SHMT2: variants seen among roughly 807,000 people sequenced by gnomAD.
The protein encoded by SHMT2 is serine hydroxymethyltransferase 2.
A neutral mutation model predicts 59.6 loss-of-function variants in SHMT2; 38 were observed. The observed-to-expected ratio is 0.64, with a 90% confidence interval of 0.49 to 0.84. The LOEUF (loss-of-function observed/expected upper bound fraction) is 0.84. Among genes scored for constraint, SHMT2 ranks in the 40% least tolerant of loss-of-function variants. The pLI is 0.00. For missense variants in SHMT2, 533 were observed against 659.5 expected (o/e 0.81, Z 2.10); for synonymous variants, 254 against 258.1 (o/e 0.98, Z 0.15).
intron 7 of SHMT2, 135 bp from the exon 8 acceptor site, chr12:57,233,045 C>A: frequency 1.6e-6 from 2 of 1,254,090 alleles, no homozygotes; most frequent in Non-Finnish European, 2.2e-6. Flanking sequence ...GGCTGATTCC[C>A]TCTACCACTG....
At chr12:57,233,374 G>A (rs979030931) in intron 8 of SHMT2, 29 bp downstream of exon 8, 1 of 1,566,214 alleles carries the variant, frequency 6.4e-7, no homozygotes, top group East Asian at 2.3e-5. Flanking sequence ...GTAGGGTGTG[G>A]GGGGGCAATG....
chr12:57,230,225 G>A, intron 1 of SHMT2: 1 of 1,252,398 alleles, frequency 8.0e-7, no homozygotes, highest in Non-Finnish European at 1.0e-6. Flanking sequence ...GGCAGTGAGG[G>A]CTGGAAGGAG....
rs2229718 is a variant in SHMT2, at chr12:57,234,079, C to T, written c.1356C>T (p.Val452=). 39 of 1,614,008 alleles carry T rather than the reference C, an allele frequency of 2.4e-5. No individual in the cohort carries two copies. The highest frequency in any genetic ancestry group is 6.7e-5 in the African/African-American group (5 of 74,900). ...RRVVDFIDEG[V]NIGLEVKSKT... The stretch of plus-strand genomic sequence containing the variant: ...TTGTGGACTTTATAGATGAAGGGGT[C>T]AACATTGGCTTAGAGGTGAAGAGCA... Residue 452 remains valine (V), a synonymous_variant, in exon 11 of 12, where the codon GTC becomes GTT. Coordinates refer to ENST00000328923, the MANE Select transcript of SHMT2 (RefSeq NM_005412.6).
chr12:57,230,534 G>C (rs1261761685), intron 1 of SHMT2: 6 of 1,338,576 alleles, frequency 4.5e-6, no homozygotes, highest in Non-Finnish European at 5.8e-6. Context: ...TGGAGGACAA[G>C]CTTTGCAGAG....
At position 57,232,567 on chromosome 12, in the gene SHMT2, A is replaced by T; in HGVS notation, c.709A>T (p.Met237Leu). 6.2e-7 allele frequency: 1 copy of T among 1,614,040 alleles called. No homozygotes were observed. The highest frequency in any genetic ancestry group is 1.7e-5 in the Admixed American group (1 of 60,020). ...TGCTCGCCTCATTGACTACGCCCGC[A>T]TGAGAGAGGTTGGTGGGGGGGGCTG... Reference protein sequence around the residue: ...AYARLIDYARMREVCDEVKAH... With the variant: ...AYARLIDYARLREVCDEVKAH... The change falls in exon 6 of 12, where the codon ATG becomes TTG. Residue 237 changes from methionine to leucine, a missense_variant. Physicochemically the swap from Met to Leu is conservative, Grantham distance 15. Coordinates refer to ENST00000328923, the MANE Select transcript of SHMT2 (RefSeq NM_005412.6).
rs1215519826 is a variant in SHMT2, at chr12:57,230,785, G to A, written c.34-18G>A. On this transcript the variant is annotated intron_variant, in intron 1 of 11. Transcript: ENST00000328923. ...GTCTGGACTGTTGTGATTTCACCCT[G>A]ACTTTTCCTGCCTTCAGCCTCTGCA... The A allele has an allele frequency of 6.2e-7, 1 of 1,613,094 alleles. No individual in the cohort carries two copies. The highest frequency in any genetic ancestry group is 1.7e-5 in the Admixed American group (1 of 59,974).
chr12:57,230,102 C>T lies in SHMT2; in HGVS notation c.33+291C>T, dbSNP rs1214658771. The T allele has an allele frequency of 3.7e-6, 5 of 1,353,480 alleles. No homozygotes were observed. In the East Asian group the frequency reaches 1.2e-4, roughly 33 times the overall value. The allele number at this position is 1,353,480 out of a possible 1,614,324, so 83.8% of individuals were successfully genotyped here. A position where few individuals can be genotyped will look rare whatever the true frequency, so the allele number is the denominator to read the frequency against. The stretch of plus-strand genomic sequence containing the variant: ...GGATGCCCCGCGGACCCGGTGCTGG[C>T]AAATGAGCGGAGTTTTCGGCCTGGT... On this transcript the variant is annotated intron_variant, in intron 1 of 11. Transcript: ENST00000328923.
chr12:57,231,675 C>G (rs747569156), intron 3 of SHMT2, 38 bp from the exon 4 acceptor site: 1 of 1,612,684 alleles, frequency 6.2e-7, no homozygotes, highest in Admixed American at 1.7e-5. Flanking sequence ...GGTTGAGAGT[C>G]CTTTCTCTGT....
intron 1 of SHMT2, chr12:57,230,207 G>T: frequency 7.8e-7 from 1 of 1,274,712 alleles, no homozygotes; most frequent in Non-Finnish European, 1.0e-6. Flanking sequence ...TCAGGCAGGG[G>T]TCCCGGCGGC....
chr12:57,229,728 C>T lies in SHMT2; in HGVS notation c.-51C>T, dbSNP rs773183140. ...CGAACGGTCTTCTTCCGACAGCTTGCTGCCCTAGACCAGAGTTGGTGGCTG... is the reference window on the plus strand; with the variant it reads ...CGAACGGTCTTCTTCCGACAGCTTGTTGCCCTAGACCAGAGTTGGTGGCTG... On this transcript the variant is annotated 5_prime_UTR_variant, in exon 1 of 12. Transcript: ENST00000328923. 6.2e-7 allele frequency: 1 copy of T among 1,612,034 alleles called. No individual in the cohort carries two copies. The highest frequency in any genetic ancestry group is 8.5e-7 in the Non-Finnish European group (1 of 1,178,052).
chr12:57,232,102 G>C, intron 4 of SHMT2, 109 bp from the exon 5 acceptor site: 1 of 1,168,798 alleles, frequency 8.6e-7, no homozygotes, highest in Middle Eastern at 1.9e-4. Flanking sequence ...CAGTGAGGCG[G>C]TGTGTCCTAG....
rs2037407080 is a variant in SHMT2 at position 57,233,350 on chromosome 12, G to T, written c.1023+5G>T. 6.3e-7 allele frequency: 1 copy of T among 1,590,320 alleles called. No homozygotes were observed. Among genetic ancestry groups the T allele is most frequent in the East Asian group, 2.2e-5 (1 of 44,516 alleles). The stretch of plus-strand genomic sequence containing the variant: ...GTAGCTGTGGCCCTAAAGCAGGTTG[G>T]GGATCCTGTCTTTGTAGGGTGTGGG... On this transcript the variant is annotated splice_donor_5th_base_variant and intron_variant, in intron 8 of 11. Transcript: ENST00000328923.
At chr12:57,232,318 G>A in intron 5 of SHMT2, 26 bp downstream of exon 5, 1 of 1,613,042 alleles carries the variant, frequency 6.2e-7, no homozygotes, top group Non-Finnish European at 8.5e-7. Context: ...TGTGGGGAGG[G>A]GCTCTTGGCC....
Position 57,233,879 on chromosome 12 carries a change from C to T in SHMT2, c.1254C>T (p.Ala418=). 1 of 1,614,178 alleles carries T rather than the reference C, an allele frequency of 6.2e-7. No individual in the cohort carries two copies. Among genetic ancestry groups the T allele is most frequent in the Non-Finnish European group, 8.5e-7 (1 of 1,180,026 alleles). Residue 418 remains alanine, a synonymous_variant, in exon 10 of 12, where the codon GCC becomes GCT. Transcript: ENST00000328923. ...NKNTCPGDRS[A]ITPGGLRLGA... ...ACACCTGTCCTGGAGACCGAAGTGC[C>T]ATCACACCGGGCGGCCTGCGGCTTG...
chr12:57,231,998 A>G (rs1036842572), intron 4 of SHMT2, 85 bp downstream of exon 4: 2 of 1,423,692 alleles, frequency 1.4e-6, no homozygotes, highest in Non-Finnish European at 1.9e-6. Context: ...ACTGTGGACC[A>G]TACAGATGGA....
intron 3 of SHMT2, 43 bp downstream of exon 3, chr12:57,231,603 G>A: frequency 6.2e-7 from 1 of 1,612,822 alleles, no homozygotes; most frequent in Non-Finnish European, 8.5e-7. Flanking sequence ...CTCCCAGTGG[G>A]GGAACCCACC....
At chr12:57,233,061 C>T in intron 7 of SHMT2, 119 bp from the exon 8 acceptor site, 2 of 1,307,984 alleles carry the variant, frequency 1.5e-6, no homozygotes. Flanking sequence ...CACTGGAATC[C>T]AGTGTACCAA....
Position 57,229,763 on chromosome 12 carries a change from C to T in SHMT2, c.-16C>T. On this transcript the variant is annotated 5_prime_UTR_variant, in exon 1 of 12. Transcript: ENST00000328923. ...CCAGAGTTGGTGGCTGGACCTCCTG[C>T]GACTTCCGAGTTGCGATGCTGTACT... 6.2e-7 allele frequency: 1 copy of T among 1,614,134 alleles called. No homozygotes were observed. Among genetic ancestry groups the T allele is most frequent in the Admixed American group, 1.7e-5 (1 of 60,022 alleles).
Position 57,233,324 on chromosome 12 carries a change from A to G in SHMT2, c.1002A>G (p.Ala334=). ...GCCCCCACAATCATGCCATTGCTGC[A>G]GTAGCTGTGGCCCTAAAGCAGGTTG... The part of the protein sequence containing the change: ...QGGPHNHAIA[A]VAVALKQACT... Residue 334 remains alanine (A), a synonymous_variant, in exon 8 of 12, where the codon GCA becomes GCG. Transcript: ENST00000328923. 6.3e-7 allele frequency: 1 copy of G among 1,598,856 alleles called. No homozygotes were observed.
Sources: gnomAD v4.1 joint callset for allele counts on GRCh38, gnomAD v4.1.1 for gene constraint, MANE v1.5 for transcripts, NCBI Gene and HGNC (gene_info 2026-07-23, HGNC 2026-07-21) for gene names.